The following COX7B2 variants were observed in gnomAD, a reference collection of about 807,000 sequenced individuals.
COX7B2 encodes the protein cytochrome c oxidase subunit 7B2.
For missense variants in COX7B2, 109 were observed against 95.9 expected, an observed-to-expected ratio of 1.14 and a Z score of -0.57; for synonymous variants, 37 against 32.1, an observed-to-expected ratio of 1.15 and a Z score of -0.51.
At chr4:46,835,857 T>C (rs1306519789) in intron 2 of COX7B2, among the ~76,000 whole-genome samples, 1 of 152,190 alleles carries the variant, frequency 6.6e-6, no homozygotes, top group African/African-American at 2.4e-5. Flanking sequence ...ATCTAGGCTA[T>C]ATGATACACG....
At chr4:46,751,173 T>A (rs1715350072) in intron 2 of COX7B2, among the ~76,000 whole-genome samples, 1 of 152,092 alleles carries the variant, frequency 6.6e-6, no homozygotes. Flanking sequence ...CTTCACATAG[T>A]CAATTCCAAC....
intron 1 of COX7B2, among the ~76,000 whole-genome samples, chr4:46,874,650 TATAGTCCCTG>T (rs1718211913): frequency 6.6e-6 from 1 of 152,188 alleles, no homozygotes; most frequent in Non-Finnish European, 1.5e-5. Flanking sequence ...ATAGGTTTTA[TATAGTCCCTG>T]ATGCATTTTG....
intron 2 of COX7B2, among the ~76,000 whole-genome samples, chr4:46,765,419 G>C (rs1020446879): frequency 1.3e-5 from 2 of 152,146 alleles, no homozygotes; most frequent in African/African-American, 4.8e-5. Flanking sequence ...GCAGGCACCA[G>C]GTCAACACTG....
chr4:46,791,762 C>T (rs1206867670), intron 2 of COX7B2, among the ~76,000 whole-genome samples: 1 of 152,196 alleles, frequency 6.6e-6, no homozygotes, highest in Non-Finnish European at 1.5e-5. Flanking sequence ...CAGCATATAG[C>T]AGCACTCAAA....
At chr4:46,897,590 T>C (rs1222337752) in intron 1 of COX7B2, among the ~76,000 whole-genome samples, 1 of 152,182 alleles carries the variant, frequency 6.6e-6, no homozygotes. Flanking sequence ...AAGTATTCTG[T>C]CTCATGCACC....
intron 2 of COX7B2, among the ~76,000 whole-genome samples, chr4:46,820,680 G>A (rs1236371520): frequency 2.0e-5 from 3 of 151,824 alleles, no homozygotes; most frequent in African/African-American, 7.3e-5. Flanking sequence ...AATTAGCTGG[G>A]CATGGTAGCA....
At chr4:46,877,870 T>A (rs1369248422) in intron 1 of COX7B2, among the ~76,000 whole-genome samples, 1 of 152,068 alleles carries the variant, frequency 6.6e-6, no homozygotes, top group East Asian at 1.9e-4. Context: ...CTGCAATATC[T>A]CTGCTGGGTA....
At chr4:46,898,383 A>C (rs911922278) in intron 1 of COX7B2, among the ~76,000 whole-genome samples, 3 of 151,982 alleles carry the variant, frequency 2.0e-5, no homozygotes, top group Non-Finnish European at 4.4e-5. Context: ...TATTTCCCTA[A>C]TTGGCCATCC....
chr4:46,816,903 A>G (rs908289915), intron 2 of COX7B2, among the ~76,000 whole-genome samples: 8 of 152,180 alleles, frequency 5.3e-5, no homozygotes, highest in African/African-American at 1.9e-4. Flanking sequence ...TGTGAGGGTA[A>G]GCCTCAGAGA....
At chr4:46,877,545 C>A (rs1266486732) in intron 1 of COX7B2, among the ~76,000 whole-genome samples, 1 of 152,030 alleles carries the variant, frequency 6.6e-6, no homozygotes. Context: ...AACAAAGAAA[C>A]CCAATTTAAA....
chr4:46,865,267 G>A (rs1717598783), intron 1 of COX7B2, among the ~76,000 whole-genome samples: 2 of 152,282 alleles, frequency 1.3e-5, no homozygotes, highest in African/African-American at 4.8e-5. Flanking sequence ...CCAACATGCT[G>A]TAGAAGACAT....
At chr4:46,826,716 T>C (rs1714722424) in intron 2 of COX7B2, among the ~76,000 whole-genome samples, 1 of 152,152 alleles carries the variant, frequency 6.6e-6, no homozygotes, top group Non-Finnish European at 1.5e-5. Flanking sequence ...TGTGGGAACA[T>C]GGATCGAGCT....
intron 2 of COX7B2, among the ~76,000 whole-genome samples, chr4:46,807,905 A>G (rs894604150): frequency 7.9e-5 from 12 of 151,840 alleles, no homozygotes; most frequent in Admixed American, 7.2e-4. Context: ...TGCCAGTACC[A>G]TGCTGTTTTG....
intron 2 of COX7B2, among the ~76,000 whole-genome samples, chr4:46,818,091 A>T (rs921996468): frequency 6.6e-6 from 1 of 152,198 alleles, no homozygotes; most frequent in African/African-American, 2.4e-5. Flanking sequence ...CCACACTTGG[A>T]TGGACTATTT....
chr4:46,807,694 T>G (rs1057476907), intron 2 of COX7B2, among the ~76,000 whole-genome samples: 2 of 151,878 alleles, frequency 1.3e-5, no homozygotes, highest in South Asian at 4.1e-4. Context: ...TTGTGTATGG[T>G]ATAAGGGCCT....
intron 2 of COX7B2, among the ~76,000 whole-genome samples, chr4:46,797,880 C>A (rs1041141747): frequency 4.6e-5 from 7 of 152,146 alleles, no homozygotes; most frequent in African/African-American, 1.7e-4. Flanking sequence ...GCATTTTTCT[C>A]AATATCCATT....
intron 2 of COX7B2, among the ~76,000 whole-genome samples, chr4:46,823,178 G>A (rs60331817): frequency 0.14 from 20,812 of 151,994 alleles, 2,059 homozygotes; most frequent in Admixed American, 0.3. Context: ...CCAAGGTTCT[G>A]CTGGGTGGGA....
intron 1 of COX7B2, among the ~76,000 whole-genome samples, chr4:46,858,257 C>T (rs1256056057): frequency 6.6e-6 from 1 of 151,992 alleles, no homozygotes; most frequent in Non-Finnish European, 1.5e-5. Context: ...CCATGCCCAG[C>T]TAATTTTTAT....
chr4:46,833,420 A>G (rs1577630335), intron 2 of COX7B2, among the ~76,000 whole-genome samples: 1 of 152,346 alleles, frequency 6.6e-6, no homozygotes. Flanking sequence ...TGGGAGGTGT[A>G]TGCTTAATTC....
Sources: allele counts gnomAD v4.1 joint callset (sites outside exome capture counted in the v4.1 genomes callset), GRCh38; gene constraint gnomAD v4.1.1; transcripts MANE v1.5; gene names NCBI Gene and HGNC (gene_info 2026-07-23, HGNC 2026-07-21).